Variants in TTN observed in about 807,000 individuals in gnomAD.
TTN encodes titin, also known as connectin.
TTN carries 1,525 observed loss-of-function variants against 3,223.0 expected under a neutral mutation model. That is an observed-to-expected ratio of 0.47 (90% confidence interval 0.45 to 0.49). TTN has a LOEUF of 0.49. Among genes scored for constraint, TTN ranks in the 20% least tolerant of loss-of-function variants. TTN has a pLI of 0.00. For synonymous variants in TTN, 14,094 were observed against 15,161.0 expected (o/e 0.93, Z 5.17); for missense variants, 40,786 against 43,424.0 (o/e 0.94, Z 5.40).
chr2:178,774,092 A>G lies in TTN; in HGVS notation c.7076T>C (p.Leu2359Pro). The G allele has an allele frequency of 1.2e-6, 2 of 1,614,096 alleles. No homozygotes were observed. Among genetic ancestry groups the G allele is most frequent in the African/African-American group, 2.7e-5 (2 of 75,058 alleles). Reference protein sequence around the residue: ...LKMKPRPIAILQGLSDQKVCE... With the variant: ...LKMKPRPIAIPQGLSDQKVCE... ...GACTTTTTGGTCACTAAGTCCTTGT[A>G]GGATAGCAATGGGGCGGGCTGTGAA... The change falls in exon 31 of 363, where the codon CTA becomes CCA. Residue 2359 changes from leucine to proline, a missense_variant. By Grantham distance (98) the Leu-to-Pro change is moderately conservative. Transcript: ENST00000589042.
In TTN at chr2:178,551,862, A is replaced by T. The variant is rs917850028; in HGVS notation, c.91038T>A (p.Asp30346Glu). The T allele has an allele frequency of 3.1e-6, 5 of 1,613,794 alleles. No homozygotes were observed. The highest frequency in any genetic ancestry group is 4.2e-6 in the Non-Finnish European group (5 of 1,179,834). ...VTSDGMSLTW[D>E]APVYDGGSEV... The stretch of plus-strand genomic sequence containing the variant: ...CTGAACCACCATCATAAACTGGAGC[A>T]TCCCAAGTTAGTGACATGCCATCAG... Residue 30346 changes from aspartate (D) to glutamate (E), a missense_variant, in exon 335 of 363, where the codon GAT becomes GAA. Physicochemically the swap from Asp to Glu is conservative, Grantham distance 45. Coordinates refer to ENST00000589042, the MANE Select transcript of TTN (RefSeq NM_001267550.2).
At chr2:178,669,317 G>T in intron 159 of TTN, 56 bp downstream of exon 159, 2 of 1,378,466 alleles carry the variant, frequency 1.5e-6, no homozygotes, top group Non-Finnish European at 9.8e-7. Context: ...GACAAACATA[G>T]TGAATTTAAG....
rs187868672 is a variant in TTN, at chr2:178,573,366, T to G, written c.72766A>C (p.Asn24256His). The change falls in exon 326 of 363, where the codon AAT becomes CAT. Residue 24256 changes from asparagine to histidine, a missense_variant. Asn to His is a moderately conservative substitution (Grantham distance 68, BLOSUM62 1). Coordinates refer to ENST00000589042, the MANE Select transcript of TTN (RefSeq NM_001267550.2). ...TTATCACGCCGTTCCACAATATAATTGATGATTTCACTTCCACCATCAGAA... is the reference window on the plus strand; with the variant it reads ...TTATCACGCCGTTCCACAATATAATGGATGATTTCACTTCCACCATCAGAA... ...PDSDGGSEII[N>H]YIVERRDKAG... 1.1e-5 allele frequency: 17 copies of G among 1,525,484 alleles called. No individual in the cohort carries two copies. Among genetic ancestry groups the G allele is most frequent in the Non-Finnish European group, 1.5e-5 (17 of 1,137,346 alleles). 94.5% of individuals were successfully genotyped at this position (1,525,484 alleles called of 1,614,324 possible).
At position 178,702,161 on chromosome 2, in the gene TTN, A is replaced by G. The variant is rs1577670375; in HGVS notation, c.30511+7T>C. The G allele has an allele frequency of 6.2e-7, 1 of 1,613,778 alleles. No individual in the cohort carries two copies. The highest frequency in any genetic ancestry group is 8.5e-7 in the Non-Finnish European group (1 of 1,179,830). On this transcript the variant is annotated splice_region_variant and intron_variant, in intron 108 of 362. Coordinates refer to ENST00000589042, the MANE Select transcript of TTN (RefSeq NM_001267550.2). ...GGCAGGGTGGCTTTCTGATGGCGCT[A>G]CCTCACCTTTCGTCGTTAGGTACAG... is the stretch of plus-strand genomic sequence containing the variant.
rs1171277318 is a variant in TTN, at chr2:178,583,879, T to G, written c.65303A>C (p.Asp21768Ala). The G allele has an allele frequency of 6.3e-7, 1 of 1,591,646 alleles. No individual in the cohort carries two copies. The highest frequency in any genetic ancestry group is 2.3e-5 in the East Asian group (1 of 44,078). Residue 21768 changes from aspartate (D) to alanine (A), a missense_variant, in exon 312 of 363, where the codon GAT becomes GCT. Transcript: ENST00000589042. ...CAGAGATACAGTACTCTTGGTGACATCAATAACCTCAGGTTTCCCAGGAGG... is the reference window on the plus strand; with the variant it reads ...CAGAGATACAGTACTCTTGGTGACAGCAATAACCTCAGGTTTCCCAGGAGG... ...VDPPGKPEVIDVTKSTVSLIW... is the reference protein window; with the variant it reads ...VDPPGKPEVIAVTKSTVSLIW...
chr2:178,592,967 C>A lies in TTN; in HGVS notation c.59152G>T (p.Glu19718Ter). The change falls in exon 300 of 363, where the codon GAG becomes TAG. Residue 19718 changes from glutamate to a stop codon, truncating the protein, a stop_gained. Transcript: ENST00000589042. LOFTEE classifies it high-confidence loss of function. ...GGSKILGYIV[E>*]YQKVGDEEWR... ...TCTTCATCTCCAACTTTCTGGTACT[C>A]AACAATATAACCCAGAATCTTGCTC... The A allele has an allele frequency of 6.2e-7, 1 of 1,613,488 alleles. No individual in the cohort carries two copies. The highest frequency in any genetic ancestry group is 8.5e-7 in the Non-Finnish European group (1 of 1,179,598).
intron 47 of TTN, chr2:178,751,902 C>G: frequency 3.1e-6 from 5 of 1,602,708 alleles, no homozygotes; most frequent in Non-Finnish European, 4.3e-6. Context: ...TTAAAATATT[C>G]AGGCCAGGAG....
rs1377171913 is a variant in TTN at position 178,799,410 on chromosome 2, G to T, written c.914+77C>A. ...TCTCCGCGTCGCATGCCCTGCGAGG[G>T]GGACAAGGGAATCTTTCTCGTTTCA... On this transcript the variant is annotated intron_variant, in intron 6 of 362. Transcript: ENST00000589042. The T allele has an allele frequency of 1.9e-6, 3 of 1,608,150 alleles. No homozygotes were observed. In the East Asian group the frequency reaches 6.7e-5, roughly 36 times the overall value.
At position 178,612,846 on chromosome 2, in the gene TTN, A is replaced by T. The variant is rs1314541191; in HGVS notation, c.49875T>A (p.Val16625=). ...TTTCCCCAGCCTTATTCACAGCTCT[A>T]ACTCGGAATGAGTATTCCTGTCCTT... The part of the protein sequence containing the change: ...LMEGQEYSFR[V]RAVNKAGESE... The change falls in exon 265 of 363, where the codon GTT becomes GTA. Residue 16625 remains valine (V), a synonymous_variant. Transcript: ENST00000589042. The T allele has an allele frequency of 3.7e-6, 6 of 1,612,538 alleles. No homozygotes were observed. The highest frequency in any genetic ancestry group is 5.1e-6 in the Non-Finnish European group (6 of 1,179,200).
Position 178,531,045 on chromosome 2 carries a change from T to C in TTN, c.105570A>G (p.Ser35190=), listed in dbSNP as rs377340289. ...AATTGCCCTCATCGGAAGCCTGGAC[T>C]GAAGAGATCTCAAAGGTTGATTTGT... ...TKYKSTFEIS[S]VQASDEGNYS... Residue 35190 remains serine, a synonymous_variant, in exon 358 of 363, where the codon TCA becomes TCG. Transcript: ENST00000589042. 1.5e-5 allele frequency: 24 copies of C among 1,613,902 alleles called. No homozygotes were observed. Among genetic ancestry groups the C allele is most frequent in the East Asian group, 8.9e-5 (4 of 44,898 alleles).
chr2:178,771,129 A>T, intron 34 of TTN, 82 bp downstream of exon 34: 1 of 1,596,118 alleles, frequency 6.3e-7, no homozygotes, highest in South Asian at 1.1e-5. Context: ...GGTATCCAAA[A>T]TGGCCATATC....
In TTN at chr2:178,663,291, G is replaced by C; in HGVS notation, c.36675C>G (p.Pro12225=). Residue 12225 remains proline (P), a synonymous_variant, in exon 173 of 363, where the codon CCC becomes CCG. Transcript: ENST00000589042. ...CTTCAGGGGGAGGACTTTCCGGTTT[G>C]GGAGGAATAGCTTCAGGCAACTTCT... ...PEKKLPEAIP[P]KPESPPPEVP... 1 of 1,564,294 alleles carries C rather than the reference G, an allele frequency of 6.4e-7. No individual in the cohort carries two copies. The highest frequency in any genetic ancestry group is 8.6e-7 in the Non-Finnish European group (1 of 1,158,034).
rs1166497792 is a variant in TTN at position 178,584,282 on chromosome 2, G to T, written c.65269C>A (p.Pro21757Thr). Residue 21757 changes from proline to threonine, a missense_variant, in exon 311 of 363, where the codon CCA (proline) becomes ACA (threonine). Physicochemically the swap from Pro to Thr is conservative, Grantham distance 38. Transcript: ENST00000589042. ...AAAAAACCCCAAAACTTACCAACTGGCATTCTTGCAGTTACATATTCTGTG... is the reference window on the plus strand; with the variant it reads ...AAAAAACCCCAAAACTTACCAACTGTCATTCTTGCAGTTACATATTCTGTG... ...KPTEYVTARM[P>T]VDPPGKPEVI... 3 of 1,551,336 alleles carry T rather than the reference G, an allele frequency of 1.9e-6. No individual in the cohort carries two copies. The highest frequency in any genetic ancestry group is 2.8e-5 in the African/African-American group (2 of 72,414).
chr2:178,644,439 C>T (rs552522039), intron 218 of TTN, 109 bp downstream of exon 218: 1 of 825,374 alleles, frequency 1.2e-6, no homozygotes, highest in South Asian at 2.1e-5. Flanking sequence ...AATGGGACTA[C>T]TCTCTGATCA....
intron 88 of TTN, among the ~76,000 whole-genome samples, chr2:178,716,061 G>T (rs933709862): frequency 6.6e-6 from 1 of 152,054 alleles, no homozygotes; most frequent in Non-Finnish European, 1.5e-5. Context: ...CTTCTCTAGT[G>T]CCAAGATCAG....
At position 178,757,703 on chromosome 2, in the gene TTN, AG is replaced by A. The variant is rs755925180; in HGVS notation, c.10516del (p.Leu3506TyrfsTer6). ...ATGGAAAACTACATCTTTTGTTGGT[AG>A]AATTAGCTGCTGGTTATGAAACCAT... is the stretch of plus-strand genomic sequence containing the variant. Reference protein sequence around the residue: ...IQWFHNQQLILPTKDVVFHFE... With the variant: ...IQWFHNQQLIXPTKDVVFHFE... On this transcript the variant is annotated frameshift_variant, in exon 45 of 363. Coordinates refer to ENST00000589042, the MANE Select transcript of TTN (RefSeq NM_001267550.2). LOFTEE classifies it high-confidence loss of function. The A allele has an allele frequency of 2.5e-6, 4 of 1,613,798 alleles. No homozygotes were observed. The South Asian group carries it at 4.4e-5, about 18-fold the overall frequency.
In TTN at chr2:178,683,218, G is replaced by A. The variant is rs2069916901; in HGVS notation, c.32880C>T (p.Pro10960=). ...AATCAAAGTTCAATATACCTTTGAT[G>A]GGTTGAGGTTCTCTTTTTGGAGCTT... ...SIEAPKREPQ[P]IKEVTIMEEK... Residue 10960 remains proline (P), a synonymous_variant, in exon 134 of 363, where the codon CCC becomes CCT. Coordinates refer to ENST00000589042, the MANE Select transcript of TTN (RefSeq NM_001267550.2). 6.5e-7 allele frequency: 1 copy of A among 1,548,492 alleles called. No homozygotes were observed. Among genetic ancestry groups the A allele is most frequent in the African/African-American group, 1.4e-5 (1 of 73,316 alleles).
Position 178,540,370 on chromosome 2 carries a change from G to C in TTN, c.97796C>G (p.Ala32599Gly). The change falls in exon 351 of 363, where the codon GCT (alanine) becomes GGT (glycine). Residue 32599 changes from alanine to glycine, a missense_variant and splice_region_variant. By Grantham distance (60) the Ala-to-Gly change is moderately conservative. Coordinates refer to ENST00000589042, the MANE Select transcript of TTN (RefSeq NM_001267550.2). ...SKPIVAMDPI[A>G]PPGKPQNPRV... ...TGGGTTTTGTGGCTTTCCTGGAGGA[G>C]CTGAGAATAAGAATAAGAATATACT... 1 of 1,609,972 alleles carries C rather than the reference G, an allele frequency of 6.2e-7. No individual in the cohort carries two copies. Among genetic ancestry groups the C allele is most frequent in the Non-Finnish European group, 8.5e-7 (1 of 1,177,612 alleles).
chr2:178,683,441 G>A, intron 133 of TTN, 150 bp from the exon 134 acceptor site: 1 of 555,138 alleles, frequency 1.8e-6, no homozygotes, highest in Non-Finnish European at 3.2e-6. Flanking sequence ...CAATAGACTT[G>A]GAAATAAACT....
Sources: allele counts gnomAD v4.1 joint callset (sites outside exome capture counted in the v4.1 genomes callset), GRCh38; gene constraint gnomAD v4.1.1; transcripts MANE v1.5; gene names NCBI Gene and HGNC (gene_info 2026-07-23, HGNC 2026-07-21).